ST8SIA6: variants seen among roughly 807,000 people sequenced by gnomAD.
ST8SIA6 encodes the protein alpha-2,8-sialyltransferase 8F.
ST8SIA6 carries 39 observed loss-of-function variants against 33.6 expected under a neutral mutation model. The observed-to-expected ratio is 1.16, with a 90% CI of 0.90 to 1.52. The LOEUF (loss-of-function observed/expected upper bound fraction) is 1.52, where lower values mean the gene tolerates loss of function less well. ST8SIA6 is among the 40% of genes most tolerant of loss of function. The pLI, the probability that ST8SIA6 is intolerant of heterozygous loss-of-function variation, is 0.00. For missense variants in ST8SIA6, 441 were observed against 443.8 expected (o/e 0.99, Z 0.06); for synonymous variants, 172 against 167.2 (o/e 1.03, Z -0.22).
At chr10:17,376,902 G>T (rs1031946823) in intron 3 of ST8SIA6, among the ~76,000 whole-genome samples, 2 of 152,072 alleles carry the variant, frequency 1.3e-5, no homozygotes, top group African/African-American at 2.4e-5. Flanking sequence ...GTTAAAATAG[G>T]TTTCAAAAAA....
chr10:17,342,373 G>A (rs1848707073), intron 4 of ST8SIA6, among the ~76,000 whole-genome samples: 1 of 152,186 alleles, frequency 6.6e-6, no homozygotes, highest in African/African-American at 2.4e-5. Flanking sequence ...CAGTCTGGGA[G>A]TTAGGGGAGA....
At chr10:17,431,096 A>G (rs1852087198) in intron 2 of ST8SIA6, among the ~76,000 whole-genome samples, 1 of 152,158 alleles carries the variant, frequency 6.6e-6, no homozygotes, top group Admixed American at 6.5e-5. Flanking sequence ...TTCCTTTTCA[A>G]CTACAAAGGC....
intron 3 of ST8SIA6, among the ~76,000 whole-genome samples, chr10:17,372,925 T>C (rs1045150678): frequency 2.6e-5 from 4 of 152,156 alleles, no homozygotes; most frequent in African/African-American, 9.7e-5. Context: ...AGAGGATCTT[T>C]AAGGCTGTGA....
chr10:17,423,063 T>G (rs1851827508), intron 2 of ST8SIA6, among the ~76,000 whole-genome samples: 1 of 152,316 alleles, frequency 6.6e-6, no homozygotes, highest in South Asian at 2.1e-4. Context: ...TTCATTTGGC[T>G]GCACCGGAGC....
chr10:17,333,689 A>ATC (rs1564404813), intron 4 of ST8SIA6, among the ~76,000 whole-genome samples: 1 of 13,384 alleles, frequency 7.5e-5, no homozygotes, highest in African/African-American at 3.5e-4. Context: ...ATATATATAT[A>ATC]TATATATATA....
chr10:17,416,595 TGTC>T (rs1328133480), intron 2 of ST8SIA6, among the ~76,000 whole-genome samples: 1 of 152,152 alleles, frequency 6.6e-6, no homozygotes, highest in African/African-American at 2.4e-5. Context: ...TTCGGATTCC[TGTC>T]CTTCTCTTCT....
intron 4 of ST8SIA6, among the ~76,000 whole-genome samples, chr10:17,355,320 T>C (rs1477453942): frequency 2.0e-5 from 3 of 152,198 alleles, no homozygotes; most frequent in Non-Finnish European, 4.4e-5. Context: ...GCAGCATGAG[T>C]ATTTCAGATG....
At position 17,321,316 on chromosome 10, in the gene ST8SIA6, T is replaced by C. The variant is rs61734560; in HGVS notation, c.759A>G (p.Leu253=). ...KYGNLKEKKA[L]FLEDIATYGD... ...CATAGGTTGCAATGTCCTCCAGAAA[T>C]AGGGCTTTTTTTTCCTTTAAGTTCC... Residue 253 remains leucine, a synonymous_variant, in exon 8 of 8, where the codon CTA becomes CTG. Transcript: ENST00000377602. 8.1e-6 allele frequency: 13 copies of C among 1,603,678 alleles called. No homozygotes were observed. The Middle Eastern group carries it at 5.0e-4, about 62-fold the overall frequency.
chr10:17,382,542 A>T (rs539906864), intron 3 of ST8SIA6, among the ~76,000 whole-genome samples: 14 of 152,354 alleles, frequency 9.2e-5, no homozygotes, highest in Non-Finnish European at 1.8e-4. Flanking sequence ...CTGGGATTAC[A>T]GGCGTGAGCC....
chr10:17,341,715 A>G (rs1454422903), intron 4 of ST8SIA6, among the ~76,000 whole-genome samples: 1 of 151,872 alleles, frequency 6.6e-6, no homozygotes, highest in Non-Finnish European at 1.5e-5. Context: ...CCTGGCCAAC[A>G]TGGTGAAACC....
At chr10:17,363,831 C>G (rs1279272472) in intron 3 of ST8SIA6, among the ~76,000 whole-genome samples, 1 of 152,154 alleles carries the variant, frequency 6.6e-6, no homozygotes, top group Non-Finnish European at 1.5e-5. Context: ...AGCTCCTATA[C>G]TTCTCATCCC....
chr10:17,453,498 C>T, intron 2 of ST8SIA6, 61 bp downstream of exon 2: 3 of 1,214,608 alleles, frequency 2.5e-6, no homozygotes, highest in Non-Finnish European at 2.1e-6. Flanking sequence ...GGTGCAGCCG[C>T]GCCCCATGCC....
intron 2 of ST8SIA6, among the ~76,000 whole-genome samples, chr10:17,414,341 C>T (rs1422498547): frequency 2.0e-5 from 3 of 152,116 alleles, no homozygotes; most frequent in Admixed American, 6.6e-5. Context: ...TTTATTCTCC[C>T]GTCTCCTCCA....
intron 2 of ST8SIA6, among the ~76,000 whole-genome samples, chr10:17,393,746 G>A (rs954733934): frequency 6.6e-6 from 1 of 152,144 alleles, no homozygotes; most frequent in African/African-American, 2.4e-5. Context: ...GGATAGGAAG[G>A]CATAAAGGTA....
chr10:17,376,282 C>T (rs7071506), intron 3 of ST8SIA6, among the ~76,000 whole-genome samples: 27,487 of 152,082 alleles, frequency 0.18, 2,628 homozygotes, highest in South Asian at 0.22. Context: ...CCTGAATCAA[C>T]ATCTGGGGGA....
At chr10:17,434,895 C>A (rs1450416288) in intron 2 of ST8SIA6, among the ~76,000 whole-genome samples, 1 of 152,222 alleles carries the variant, frequency 6.6e-6, no homozygotes, top group Non-Finnish European at 1.5e-5. Context: ...CACCAGAACA[C>A]CAGCTTCCGC....
At chr10:17,376,875 GAGAA>G (rs1455819595) in intron 3 of ST8SIA6, among the ~76,000 whole-genome samples, 7 of 152,180 alleles carry the variant, frequency 4.6e-5, no homozygotes, top group Non-Finnish European at 1.0e-4. Context: ...CTCAAAGTAA[GAGAA>G]AGAGTCAAAG....
rs1395804514 is a variant in ST8SIA6 at position 17,318,579 on chromosome 10, CTTGAGTT to C, written c.*2292_*2298del. ...TCCATTCTCAATGCCCTTAGATGTA[CTTGAGTT>C]TTAAGAGCAGAAGATCACATTAGAT... On this transcript the variant is annotated 3_prime_UTR_variant, in exon 8 of 8. Transcript: ENST00000377602. 9.4e-5 allele frequency: 41 copies of C among 433,970 alleles called. No individual in the cohort carries two copies. Among genetic ancestry groups the C allele is most frequent in the Admixed American group, 1.6e-4 (6 of 36,730 alleles). 26.9% of individuals were successfully genotyped at this position (433,970 alleles called of 1,614,324 possible).
chr10:17,386,455 C>G lies in ST8SIA6; in HGVS notation c.290+4076G>C, dbSNP rs56044541. Among the ~76,000 whole-genome samples the G allele has an allele frequency of 1.5e-3, 227 of 152,330 alleles. 3 individuals carry two copies. The highest frequency in any genetic ancestry group is 5.3e-3 in the African/African-American group (219 of 41,576). On this transcript the variant is annotated intron_variant, in intron 3 of 7. Coordinates refer to ENST00000377602, the MANE Select transcript of ST8SIA6 (RefSeq NM_001004470.3). ...TGGGGAGACTGAGGCAGGAGAATCACTTGAACCCGGGAGGTGGAGGTTGCA... is the reference window on the plus strand; with the variant it reads ...TGGGGAGACTGAGGCAGGAGAATCAGTTGAACCCGGGAGGTGGAGGTTGCA...
Sources: gnomAD v4.1 joint callset for allele counts (sites outside exome capture counted in the v4.1 genomes callset) on GRCh38, gnomAD v4.1.1 for gene constraint, MANE v1.5 for transcripts, NCBI Gene and HGNC (gene_info 2026-07-23, HGNC 2026-07-21) for gene names.